GNB5: variants seen among roughly 807,000 people sequenced by gnomAD.
GNB5 encodes G protein subunit beta 5.
GNB5 carries 37 observed loss-of-function variants against 55.3 expected under a neutral mutation model. That is an observed-to-expected ratio of 0.67 (90% CI 0.51 to 0.88). The LOEUF (loss-of-function observed/expected upper bound fraction) is 0.88, where lower values mean the gene tolerates loss of function less well. Among genes scored for constraint, GNB5 ranks in the 40% least tolerant of loss-of-function variants. The pLI, the probability that GNB5 is intolerant of heterozygous loss-of-function variation, is 0.00. For synonymous variants in GNB5, 219 were observed against 198.5 expected (o/e 1.10, Z -0.87); for missense variants, 476 against 515.3 (o/e 0.92, Z 0.74).
chr15:52,134,631 G>A (rs1342056315), intron 8 of GNB5, among the ~76,000 whole-genome samples: 2 of 152,214 alleles, frequency 1.3e-5, no homozygotes, highest in African/African-American at 2.4e-5. Context: ...CAAATACCCA[G>A]GAAGAAAATC....
intron 3 of GNB5, among the ~76,000 whole-genome samples, chr15:52,155,230 C>T (rs1032541942): frequency 1.3e-5 from 2 of 152,206 alleles, no homozygotes; most frequent in South Asian, 2.1e-4. Flanking sequence ...AAACAGCCTA[C>T]GCAAACAGAC....
At chr15:52,170,619 G>A (rs1281238080) in intron 3 of GNB5, among the ~76,000 whole-genome samples, 2 of 151,952 alleles carry the variant, frequency 1.3e-5, no homozygotes, top group Non-Finnish European at 2.9e-5. Flanking sequence ...CTTAGGTGAT[G>A]GGTTGATCTG....
intron 5 of GNB5, among the ~76,000 whole-genome samples, chr15:52,147,872 C>T (rs1177007297): frequency 6.6e-6 from 1 of 152,132 alleles, no homozygotes; most frequent in Non-Finnish European, 1.5e-5. Flanking sequence ...TGTGAGCCCC[C>T]ATGCCCAGCC....
At chr15:52,132,172 A>C (rs1566934132) in intron 9 of GNB5, among the ~76,000 whole-genome samples, 4 of 142,558 alleles carry the variant, frequency 2.8e-5, no homozygotes, top group Non-Finnish European at 6.0e-5. Context: ...TCAAGTATGC[A>C]CAAACAGGCT....
chr15:52,161,968 C>G (rs2034345494), intron 3 of GNB5, among the ~76,000 whole-genome samples: 1 of 152,176 alleles, frequency 6.6e-6, no homozygotes, highest in South Asian at 2.1e-4. Context: ...CAGATGAAGG[C>G]AGAGCTGAGC....
At chr15:52,131,168 A>C (rs2033564796) in intron 9 of GNB5, among the ~76,000 whole-genome samples, 1 of 152,220 alleles carries the variant, frequency 6.6e-6, no homozygotes, top group African/African-American at 2.4e-5. Flanking sequence ...CTCCATAGCC[A>C]TGGATTCCAC....
chr15:52,186,686 T>C (rs753836619), intron 1 of GNB5, among the ~76,000 whole-genome samples: 5 of 152,056 alleles, frequency 3.3e-5, no homozygotes, highest in Non-Finnish European at 5.9e-5. Context: ...ATAAAGATAA[T>C]TGGGGGCGCT....
intron 4 of GNB5, among the ~76,000 whole-genome samples, chr15:52,152,721 C>T (rs2034125722): frequency 6.6e-6 from 1 of 151,800 alleles, no homozygotes; most frequent in African/African-American, 2.4e-5. Context: ...GCCTTGACCT[C>T]CTACACCCAA....
rs1056179995 is a variant in GNB5, at chr15:52,115,154, A to C, written c.*7603T>G. The C allele has an allele frequency of 6.6e-6, 1 of 150,826 alleles. No homozygotes were observed. The highest frequency in any genetic ancestry group is 1.5e-5 in the Non-Finnish European group (1 of 67,986). 9.3% of individuals were successfully genotyped at this position (150,826 alleles called of 1,614,324 possible). ...GACAGTCATGATTTTACCTTTTTGT[A>C]CATTAAACTTTAGCAGCAAGAACAT... is the stretch of plus-strand genomic sequence containing the variant. On this transcript the variant is annotated 3_prime_UTR_variant, in exon 13 of 13. Transcript: ENST00000261837.
intron 11 of GNB5, 173 bp from the exon 12 acceptor site, chr15:52,124,812 G>A (rs1400070420): frequency 3.4e-6 from 2 of 592,806 alleles, no homozygotes; most frequent in Non-Finnish European, 6.1e-6. Flanking sequence ...GTCCCTGTTG[G>A]AGGATGTGGG....
At chr15:52,146,001 G>T (rs1445491143) in intron 6 of GNB5, among the ~76,000 whole-genome samples, 13 of 138,840 alleles carry the variant, frequency 9.4e-5, no homozygotes, top group African/African-American at 3.6e-4. Flanking sequence ...CTCTCCCCCA[G>T]GCTGGAGTGC....
Position 52,168,818 on chromosome 15 carries a change from C to T in GNB5, c.238+10950G>A, listed in dbSNP as rs57101765. ...TGGAGAGCTCAGAAATAAGATTGCACACCTACAATCATCTGATCTTTGATG... is the reference window on the plus strand; with the variant it reads ...TGGAGAGCTCAGAAATAAGATTGCATACCTACAATCATCTGATCTTTGATG... On this transcript the variant is annotated intron_variant, in intron 3 of 12. Transcript: ENST00000261837. Among the ~76,000 whole-genome samples, 386 of 152,256 alleles carry T rather than the reference C, an allele frequency of 2.5e-3. 1 individual carries two copies. The highest frequency in any genetic ancestry group is 8.7e-3 in the African/African-American group (362 of 41,546).
chr15:52,115,676 T>G lies in GNB5; in HGVS notation c.*7081A>C, dbSNP rs1006022342. 2 of 152,214 alleles carry G rather than the reference T, an allele frequency of 1.3e-5. No homozygotes were observed. The highest frequency in any genetic ancestry group is 2.9e-5 in the Non-Finnish European group (2 of 68,042). 9.4% of individuals were successfully genotyped at this position (152,214 alleles called of 1,614,324 possible). On this transcript the variant is annotated 3_prime_UTR_variant, in exon 13 of 13. Transcript: ENST00000261837. ...GAATAGCTAGTGACTGCTTATTATT[T>G]TTTCCACGTTTTAAGTAACAGCTTT...
chr15:52,169,030 T>C (rs909228459), intron 3 of GNB5, among the ~76,000 whole-genome samples: 1 of 152,180 alleles, frequency 6.6e-6, no homozygotes, highest in East Asian at 1.9e-4. Context: ...GAAGAAAATC[T>C]AGGCAATACC....
chr15:52,146,187 G>C (rs1490635138), intron 6 of GNB5, among the ~76,000 whole-genome samples: 2 of 152,104 alleles, frequency 1.3e-5, no homozygotes, highest in Non-Finnish European at 2.9e-5. Context: ...TCGATCTCCT[G>C]ACCTCGTGAT....
intron 3 of GNB5, among the ~76,000 whole-genome samples, chr15:52,165,946 C>T (rs2034442901): frequency 6.6e-6 from 1 of 152,138 alleles, no homozygotes; most frequent in South Asian, 2.1e-4. Flanking sequence ...TCAAGAGCCC[C>T]ATCTCACATG....
chr15:52,184,388 C>G (rs1228907472), intron 2 of GNB5, among the ~76,000 whole-genome samples, 163 bp downstream of exon 2: 1 of 152,184 alleles, frequency 6.6e-6, no homozygotes, highest in East Asian at 1.9e-4. Context: ...AGTCAGACAC[C>G]AGAGTCCACA....
At chr15:52,149,191 T>C (rs1419276263) in intron 5 of GNB5, 1 of 152,456 alleles carries the variant, frequency 6.6e-6, no homozygotes, top group African/African-American at 2.4e-5. Context: ...ATGCAGAATA[T>C]GGCTGCTGTT....
At chr15:52,132,636 A>ATTTTTTTTTTTTTTTTTTT (rs1216272462) in intron 9 of GNB5, among the ~76,000 whole-genome samples, 1 of 134,802 alleles carries the variant, frequency 7.4e-6, no homozygotes. Context: ...TGCCCTGCTA[A>ATTTTTTTTTTTTTTTTTTT]TTTTTTTTTT....
Sources: allele counts gnomAD v4.1 joint callset (sites outside exome capture counted in the v4.1 genomes callset), GRCh38; gene constraint gnomAD v4.1.1; transcripts MANE v1.5; gene names NCBI Gene and HGNC (gene_info 2026-07-23, HGNC 2026-07-21).